Variants in RAB3IP observed in about 807,000 individuals in gnomAD.
RAB3IP encodes RAB3A interacting protein, also known as rab-3A-interacting protein.
Under a neutral mutation model 59.1 loss-of-function variants are expected in RAB3IP, and 36 were observed. That is an observed-to-expected ratio of 0.61 (90% CI 0.47 to 0.80). The LOEUF (loss-of-function observed/expected upper bound fraction) is 0.80, where lower values mean the gene tolerates loss of function less well. Ranked by LOEUF, RAB3IP falls within the 30% of genes least tolerant of loss-of-function variation. The pLI, the probability that RAB3IP is intolerant of heterozygous loss-of-function variation, is 0.00. For missense variants in RAB3IP, 511 were observed against 536.0 expected (o/e 0.95, Z 0.46); for synonymous variants, 207 against 191.2 (o/e 1.08, Z -0.68).
At chr12:69,813,992 A>ATT (rs1213283505) in intron 10 of RAB3IP, among the ~76,000 whole-genome samples, 3 of 152,196 alleles carry the variant, frequency 2.0e-5, no homozygotes, top group African/African-American at 7.2e-5. Context: ...AACATTAGAG[A>ATT]TAAAACCTGT....
At chr12:69,798,665 A>G (rs980463039) in intron 6 of RAB3IP, among the ~76,000 whole-genome samples, 5 of 152,164 alleles carry the variant, frequency 3.3e-5, no homozygotes, top group African/African-American at 1.2e-4. Context: ...TAGGTCTAAC[A>G]TTTAAGTCTT....
At chr12:69,759,447 A>G (rs1332363367) in intron 3 of RAB3IP, among the ~76,000 whole-genome samples, 2 of 151,900 alleles carry the variant, frequency 1.3e-5, no homozygotes, top group African/African-American at 2.4e-5. Context: ...CCCCTTTTCT[A>G]TTCCACAAAA....
intron 1 of RAB3IP, among the ~76,000 whole-genome samples, chr12:69,742,853 A>G (rs1887488378): frequency 1.3e-5 from 2 of 152,368 alleles, no homozygotes; most frequent in Admixed American, 1.3e-4. Flanking sequence ...AGTCATGGTT[A>G]GAGAAAAGTG....
intron 3 of RAB3IP, among the ~76,000 whole-genome samples, chr12:69,762,122 C>T (rs1871403606): frequency 6.6e-6 from 1 of 152,160 alleles, no homozygotes; most frequent in African/African-American, 2.4e-5. Context: ...GGATGGACAA[C>T]CACTTCCCAG....
chr12:69,771,951 G>C (rs926063732), intron 3 of RAB3IP, among the ~76,000 whole-genome samples: 5 of 152,102 alleles, frequency 3.3e-5, no homozygotes, highest in Non-Finnish European at 7.4e-5. Context: ...TCTGAGAAAT[G>C]TTTATTCAGG....
chr12:69,742,841 A>G (rs1192489170), intron 1 of RAB3IP, among the ~76,000 whole-genome samples: 2 of 152,236 alleles, frequency 1.3e-5, no homozygotes, highest in African/African-American at 4.8e-5. Flanking sequence ...TACATCGTAC[A>G]TAGTCATGGT....
chr12:69,804,713 T>G (rs1375341135), intron 8 of RAB3IP, among the ~76,000 whole-genome samples: 27 of 151,872 alleles, frequency 1.8e-4, no homozygotes, highest in Middle Eastern at 3.4e-3. Flanking sequence ...TTTCTACATA[T>G]GGCTAGCCAG....
intron 1 of RAB3IP, among the ~76,000 whole-genome samples, chr12:69,743,076 A>C (rs765699321): frequency 5.3e-5 from 8 of 152,220 alleles, no homozygotes; most frequent in Non-Finnish European, 1.2e-4. Context: ...ATACATACAC[A>C]AATAAGTATA....
At chr12:69,799,231 A>G (rs1172948484) in intron 6 of RAB3IP, among the ~76,000 whole-genome samples, 1 of 152,136 alleles carries the variant, frequency 6.6e-6, no homozygotes, top group Non-Finnish European at 1.5e-5. Context: ...TGCACATCTG[A>G]TTGAGCTATC....
intron 6 of RAB3IP, among the ~76,000 whole-genome samples, chr12:69,798,027 G>C (rs1244819276): frequency 4.6e-5 from 7 of 152,086 alleles, no homozygotes; most frequent in African/African-American, 1.4e-4. Context: ...ATAGTCCTTT[G>C]GGTATATACC....
intron 8 of RAB3IP, among the ~76,000 whole-genome samples, chr12:69,809,395 G>T (rs1880027178): frequency 6.6e-6 from 1 of 152,074 alleles, no homozygotes; most frequent in Non-Finnish European, 1.5e-5. Context: ...TGCTCTGCTC[G>T]AGGAGTATCT....
At chr12:69,739,981 G>C (rs749862584) in intron 1 of RAB3IP, 5 of 968,426 alleles carry the variant, frequency 5.2e-6, no homozygotes, top group East Asian at 2.6e-5. Context: ...ACACTCTCCT[G>C]TTTCACCCCA....
At position 69,818,742 on chromosome 12, in the gene RAB3IP, G is replaced by A. The variant is rs1169792224; in HGVS notation, c.*3296G>A. On this transcript the variant is annotated 3_prime_UTR_variant, in exon 11 of 11. Coordinates refer to ENST00000247833, the MANE Select transcript of RAB3IP (RefSeq NM_022456.5). ...ATAAAAGTCAAGAACAACTAAAACT[G>A]AACAGCTGTTTAGGCATTGACATAT... 1 of 152,168 alleles carries A rather than the reference G, an allele frequency of 6.6e-6. No homozygotes were observed. Among genetic ancestry groups the A allele is most frequent in the East Asian group, 1.9e-4 (1 of 5,198 alleles). 9.4% of individuals were successfully genotyped at this position (152,168 alleles called of 1,614,324 possible).
intron 8 of RAB3IP, among the ~76,000 whole-genome samples, chr12:69,807,610 G>A (rs1305250891): frequency 1.9e-4 from 28 of 148,050 alleles, no homozygotes; most frequent in Admixed American, 1.3e-3. Context: ...TAGATGGGGC[G>A]GCCGGGCAGA....
intron 8 of RAB3IP, among the ~76,000 whole-genome samples, chr12:69,808,858 G>C (rs930438318): frequency 5.3e-5 from 8 of 152,002 alleles, no homozygotes; most frequent in African/African-American, 1.5e-4. Context: ...TATCCAATTT[G>C]CCAGTCTGTG....
At chr12:69,739,984 T>C (rs1887145016) in intron 1 of RAB3IP, 3 of 903,932 alleles carry the variant, frequency 3.3e-6, no homozygotes, top group African/African-American at 1.7e-5. Flanking sequence ...CTCTCCTGTT[T>C]CACCCCAACT....
intron 4 of RAB3IP, among the ~76,000 whole-genome samples, chr12:69,786,385 A>G (rs1875648390): frequency 6.6e-6 from 1 of 152,142 alleles, no homozygotes; most frequent in Non-Finnish European, 1.5e-5. Context: ...TCTTTCATGA[A>G]CATTTTAAAA....
intron 1 of RAB3IP, among the ~76,000 whole-genome samples, chr12:69,752,057 G>A (rs1484734780): frequency 7.0e-6 from 1 of 143,428 alleles, no homozygotes; most frequent in Non-Finnish European, 1.5e-5. Flanking sequence ...AGGCTGGAGT[G>A]CAGTGGTATA....
chr12:69,805,923 A>C (rs1592609614), intron 8 of RAB3IP, among the ~76,000 whole-genome samples: 1 of 152,150 alleles, frequency 6.6e-6, no homozygotes, highest in South Asian at 2.1e-4. Flanking sequence ...GGATTTTTGC[A>C]TCAATGTTCA....
Sources: gnomAD v4.1 joint callset for allele counts (sites outside exome capture counted in the v4.1 genomes callset) on GRCh38, gnomAD v4.1.1 for gene constraint, MANE v1.5 for transcripts, NCBI Gene and HGNC (gene_info 2026-07-23, HGNC 2026-07-21) for gene names.